CCBE1: variants seen among roughly 807,000 people sequenced by gnomAD.
CCBE1 encodes the protein collagen and calcium binding EGF domains 1.
A neutral mutation model predicts 50.0 loss-of-function variants in CCBE1; 37 were observed. The ratio of observed to expected loss-of-function variants is 0.74; its 90% confidence interval spans 0.57 to 0.97. CCBE1 has a LOEUF of 0.97. Ranked by LOEUF, CCBE1 falls within the 50% of genes least tolerant of loss-of-function variation. The pLI is 0.00. For missense variants in CCBE1, 538 were observed against 523.8 expected, an observed-to-expected ratio of 1.03 and a Z score of -0.26; for synonymous variants, 234 against 203.7, an observed-to-expected ratio of 1.15 and a Z score of -1.27.
chr18:59,569,084 T>C (rs2052869989), intron 2 of CCBE1, among the ~76,000 whole-genome samples: 1 of 152,230 alleles, frequency 6.6e-6, no homozygotes, highest in South Asian at 2.1e-4. Flanking sequence ...CTCCAAACGA[T>C]GTTCGATTCC....
intron 5 of CCBE1, chr18:59,464,914 C>T (rs1053863436): frequency 2.0e-5 from 3 of 152,494 alleles, no homozygotes. Flanking sequence ...AAGGAAGGTT[C>T]AGGCCCAGCC....
intron 2 of CCBE1, among the ~76,000 whole-genome samples, chr18:59,629,536 C>G (rs934262565): frequency 1.3e-5 from 2 of 152,158 alleles, no homozygotes; most frequent in African/African-American, 4.8e-5. Flanking sequence ...AATACATTCC[C>G]AGGATCTAGA....
intron 2 of CCBE1, among the ~76,000 whole-genome samples, chr18:59,629,047 C>T (rs1228284416): frequency 6.6e-6 from 1 of 152,146 alleles, no homozygotes; most frequent in East Asian, 1.9e-4. Flanking sequence ...AGCCAGCAGC[C>T]AGGGTAGTCT....
At chr18:59,583,300 A>C (rs1303143750) in intron 2 of CCBE1, among the ~76,000 whole-genome samples, 1 of 152,216 alleles carries the variant, frequency 6.6e-6, no homozygotes, top group Non-Finnish European at 1.5e-5. Context: ...CAGAACACAT[A>C]GCCTAAACTC....
intron 2 of CCBE1, among the ~76,000 whole-genome samples, chr18:59,538,782 T>C (rs1345006249): frequency 1.3e-5 from 2 of 152,218 alleles, no homozygotes; most frequent in Admixed American, 6.5e-5. Context: ...TCTGGCTTCC[T>C]GGTATTTATG....
intron 2 of CCBE1, among the ~76,000 whole-genome samples, chr18:59,632,580 T>TTTTTG (rs1197034186): frequency 4.0e-5 from 6 of 149,852 alleles, no homozygotes; most frequent in Middle Eastern, 3.5e-3. Context: ...AGCCTTTAAA[T>TTTTTG]TTTTGTTTTG....
chr18:59,531,628 G>T (rs150139901), intron 2 of CCBE1, among the ~76,000 whole-genome samples: 1 of 151,992 alleles, frequency 6.6e-6, no homozygotes, highest in Non-Finnish European at 1.5e-5. Flanking sequence ...CATGTCTTTC[G>T]TCCCAGATAA....
chr18:59,628,945 C>T (rs2053820114), intron 2 of CCBE1, among the ~76,000 whole-genome samples: 1 of 152,180 alleles, frequency 6.6e-6, no homozygotes, highest in African/African-American at 2.4e-5. Flanking sequence ...CCTCTGCTAC[C>T]TCTGAGTTCA....
chr18:59,613,035 G>C (rs2053593835), intron 2 of CCBE1, among the ~76,000 whole-genome samples: 4 of 152,030 alleles, frequency 2.6e-5, no homozygotes, highest in Admixed American at 6.6e-5. Flanking sequence ...GGAATTCGGA[G>C]AAGACAGACC....
chr18:59,570,879 A>T (rs1260651474), intron 2 of CCBE1, among the ~76,000 whole-genome samples: 1 of 152,208 alleles, frequency 6.6e-6, no homozygotes, highest in African/African-American at 2.4e-5. Flanking sequence ...AAATCGAGAC[A>T]TCAGAGCCTC....
intron 2 of CCBE1, among the ~76,000 whole-genome samples, chr18:59,558,080 A>T (rs1315577063): frequency 1.3e-5 from 2 of 152,198 alleles, no homozygotes; most frequent in African/African-American, 4.8e-5. Flanking sequence ...CGTGTATCTT[A>T]TGTCTCCTTT....
intron 2 of CCBE1, among the ~76,000 whole-genome samples, chr18:59,553,801 C>G (rs1916014233): frequency 6.6e-6 from 1 of 152,222 alleles, no homozygotes; most frequent in African/African-American, 2.4e-5. Flanking sequence ...GCAGCCTCTG[C>G]CACCACTATG....
chr18:59,452,625 A>G (rs1305741764), intron 6 of CCBE1, among the ~76,000 whole-genome samples: 4 of 152,128 alleles, frequency 2.6e-5, no homozygotes, highest in South Asian at 4.1e-4. Flanking sequence ...ACCAACGGAC[A>G]GTTCAAACAC....
chr18:59,569,172 A>G (rs991119608), intron 2 of CCBE1, among the ~76,000 whole-genome samples: 2 of 152,152 alleles, frequency 1.3e-5, no homozygotes, highest in Admixed American at 1.3e-4. Context: ...CAGCAACCCA[A>G]TCTAGAAAGC....
At chr18:59,606,914 T>A (rs1320019364) in intron 2 of CCBE1, among the ~76,000 whole-genome samples, 1 of 152,194 alleles carries the variant, frequency 6.6e-6, no homozygotes, top group Non-Finnish European at 1.5e-5. Flanking sequence ...GTGACACTTA[T>A]CTCACTGTTT....
intron 2 of CCBE1, among the ~76,000 whole-genome samples, chr18:59,602,563 A>AT (rs1386262593): frequency 1.6e-4 from 25 of 152,362 alleles, no homozygotes; most frequent in African/African-American, 5.0e-4. Flanking sequence ...AAATACATAT[A>AT]ATACAAAAAG....
In CCBE1 at chr18:59,502,873, A is replaced by G. The variant is rs1944296; in HGVS notation, c.213-22635T>C. Among the ~76,000 whole-genome samples the G allele has an allele frequency of 1.8e-4, 27 of 152,292 alleles. No individual in the cohort carries two copies. The East Asian group carries it at 4.4e-3, about 25-fold the overall frequency. On this transcript the variant is annotated intron_variant, in intron 2 of 10. Coordinates refer to ENST00000439986, the MANE Select transcript of CCBE1 (RefSeq NM_133459.4). ...GAGGGAGGCCTGCTGCAACCCTTCT[A>G]GTTTTGCAGTCTCTCCTATCAAAGG...
At chr18:59,532,367 A>T (rs1039739991) in intron 2 of CCBE1, among the ~76,000 whole-genome samples, 11 of 152,264 alleles carry the variant, frequency 7.2e-5, no homozygotes, top group African/African-American at 2.6e-4. Context: ...TATATGGAGA[A>T]TGTCTAGAAG....
chr18:59,509,202 C>T (rs1914022263), intron 2 of CCBE1, among the ~76,000 whole-genome samples: 1 of 152,130 alleles, frequency 6.6e-6, no homozygotes, highest in African/African-American at 2.4e-5. Flanking sequence ...GCAGTGGCTG[C>T]CACAATATTT....
Sources: gnomAD v4.1 joint callset for allele counts (sites outside exome capture counted in the v4.1 genomes callset) on GRCh38, gnomAD v4.1.1 for gene constraint, MANE v1.5 for transcripts, NCBI Gene and HGNC (gene_info 2026-07-23, HGNC 2026-07-21) for gene names.